Variants in ELAVL4 observed in about 807,000 individuals in gnomAD.
ELAVL4 encodes ELAV like RNA binding protein 4.
In ELAVL4, 1 loss-of-function variant was observed where a neutral mutation model predicts 35.6. The observed-to-expected ratio is 0.03, with a 90% CI of 0.01 to 0.13. The LOEUF (loss-of-function observed/expected upper bound fraction) is 0.13, where lower values mean the gene tolerates loss of function less well. ELAVL4 is among the 10% of genes least tolerant of loss of function. ELAVL4 has a pLI of 1.00. For synonymous variants in ELAVL4, 156 were observed against 171.0 expected, an observed-to-expected ratio of 0.91 and a Z score of 0.69; for missense variants, 267 against 464.9, an observed-to-expected ratio of 0.57 and a Z score of 3.91.
chr1:50,067,945 G>A (rs1302544316), intron 1 of ELAVL4, among the ~76,000 whole-genome samples: 1 of 152,150 alleles, frequency 6.6e-6, no homozygotes, highest in Non-Finnish European at 1.5e-5. Context: ...AAGAACAGCA[G>A]CATGGAGGTA....
At chr1:50,181,929 C>A (rs1320484187) in intron 3 of ELAVL4, among the ~76,000 whole-genome samples, 1 of 152,144 alleles carries the variant, frequency 6.6e-6, no homozygotes, top group Non-Finnish European at 1.5e-5. Flanking sequence ...GTGATCCACC[C>A]GCCTCAGCCT....
intron 2 of ELAVL4, among the ~76,000 whole-genome samples, chr1:50,169,161 G>A (rs1678538760): frequency 6.6e-6 from 1 of 151,972 alleles, no homozygotes; most frequent in South Asian, 2.1e-4. Context: ...AAAGATGCTG[G>A]ATCTCTGGGA....
rs371240781 is a variant in ELAVL4, at chr1:50,069,755, T to C, written c.18+21573T>C. Reference sequence around the variant, plus strand: ...ACTAAGTACTTTATACAAATTCTCTTATTAAGCCCTTATCATCACTCTCTG... The same window carrying C: ...ACTAAGTACTTTATACAAATTCTCTCATTAAGCCCTTATCATCACTCTCTG... On this transcript the variant is annotated intron_variant, in intron 1 of 6. Transcript: ENST00000448907. 3.0e-4 allele frequency among the ~76,000 whole-genome samples: 46 copies of C among 152,254 alleles called. 1 individual carries two copies. In the South Asian group the frequency reaches 8.7e-3, roughly 29 times the overall value.
intron 2 of ELAVL4, among the ~76,000 whole-genome samples, chr1:50,165,469 C>G (rs1177072376): frequency 1.3e-5 from 2 of 150,468 alleles, no homozygotes; most frequent in Admixed American, 6.7e-5. Flanking sequence ...CACACACACA[C>G]ACACTCACAT....
At chr1:50,152,083 G>C (rs1212531058) in intron 2 of ELAVL4, among the ~76,000 whole-genome samples, 1 of 152,110 alleles carries the variant, frequency 6.6e-6, no homozygotes, top group Non-Finnish European at 1.5e-5. Context: ...GTGAGGTTTA[G>C]GGTTTGTGCA....
rs1221011278 is a variant in ELAVL4, at chr1:50,078,128, GTGTGTGTGTGTGTGTA to G, written c.18+29948_18+29963del. On this transcript the variant is annotated intron_variant, in intron 1 of 6. Transcript: ENST00000448907. ...ACCTTGTGTGTGTGTGTGTGTGTGT[GTGTGTGTGTGTGTGTA>G]TATAGTATTTGTGTGTTTATATATC... 2.4e-4 allele frequency among the ~76,000 whole-genome samples: 37 copies of G among 151,882 alleles called. 1 individual carries two copies. The highest frequency in any genetic ancestry group is 7.7e-4 in the African/African-American group (32 of 41,330).
chr1:50,133,603 G>GAAAGAAAGAA (rs1671278859), intron 1 of ELAVL4, among the ~76,000 whole-genome samples: 1 of 86,170 alleles, frequency 1.2e-5, no homozygotes, highest in South Asian at 3.7e-4. Context: ...AGAAAGAAAA[G>GAAAGAAAGAA]AAAGAAAGAA....
intron 2 of ELAVL4, among the ~76,000 whole-genome samples, chr1:50,148,536 C>T (rs528165518): frequency 6.6e-6 from 1 of 152,296 alleles, no homozygotes; most frequent in East Asian, 1.9e-4. Flanking sequence ...TTCTCAGAGA[C>T]ATTACATTTT....
At chr1:50,177,622 GGAAGGT>G (rs1270815155) in intron 3 of ELAVL4, among the ~76,000 whole-genome samples, 1 of 152,176 alleles carries the variant, frequency 6.6e-6, no homozygotes, top group Non-Finnish European at 1.5e-5. Flanking sequence ...AGTTTGGATG[GGAAGGT>G]GAAAAGATGA....
chr1:50,090,322 T>G (rs538781007), intron 1 of ELAVL4, among the ~76,000 whole-genome samples: 4 of 152,318 alleles, frequency 2.6e-5, no homozygotes, highest in Admixed American at 2.6e-4. Flanking sequence ...ATTCTCACAC[T>G]ACTCTTTTTC....
intron 1 of ELAVL4, among the ~76,000 whole-genome samples, chr1:50,123,560 A>C (rs1669381163): frequency 6.6e-6 from 1 of 152,058 alleles, no homozygotes. Context: ...ATTTGCTATA[A>C]GCACACAATT....
chr1:50,173,177 T>C (rs1679347181), intron 2 of ELAVL4, among the ~76,000 whole-genome samples: 1 of 152,246 alleles, frequency 6.6e-6, no homozygotes, highest in Non-Finnish European at 1.5e-5. Flanking sequence ...CTAGTTATTA[T>C]GGGAAGATGT....
At chr1:50,178,418 A>C (rs937903326) in intron 3 of ELAVL4, among the ~76,000 whole-genome samples, 1 of 152,212 alleles carries the variant, frequency 6.6e-6, no homozygotes, top group African/African-American at 2.4e-5. Context: ...CAAAACAAAA[A>C]CAAAGCAAAA....
chr1:50,099,568 A>C (rs1403631591), upstream of ELAVL4, among the ~76,000 whole-genome samples: 2 of 151,710 alleles, frequency 1.3e-5, no homozygotes, highest in African/African-American at 4.8e-5. Flanking sequence ...CTCAAAAAAA[A>C]AAAAAAAAAA....
At chr1:50,072,900 A>G (rs1453731899) in intron 1 of ELAVL4, among the ~76,000 whole-genome samples, 1 of 152,206 alleles carries the variant, frequency 6.6e-6, no homozygotes, top group Non-Finnish European at 1.5e-5. Flanking sequence ...AATCAAAGTC[A>G]TCTAACACCA....
intron 2 of ELAVL4, among the ~76,000 whole-genome samples, chr1:50,148,639 G>A (rs1286378945): frequency 6.6e-6 from 1 of 152,166 alleles, no homozygotes; most frequent in Non-Finnish European, 1.5e-5. Flanking sequence ...GTACAGCCGT[G>A]ACACATCATG....
intron 3 of ELAVL4, among the ~76,000 whole-genome samples, chr1:50,189,394 CT>C (rs1490884892): frequency 6.6e-6 from 1 of 152,256 alleles, no homozygotes; most frequent in East Asian, 1.9e-4. Context: ...ACAACGCCTG[CT>C]TTACCCACCT....
chr1:50,067,709 T>C (rs1664327197), intron 1 of ELAVL4, among the ~76,000 whole-genome samples: 1 of 152,216 alleles, frequency 6.6e-6, no homozygotes, highest in South Asian at 2.1e-4. Flanking sequence ...TAGTCCATTC[T>C]CATGCTGCCA....
chr1:50,070,458 C>T (rs1364015196), intron 1 of ELAVL4, among the ~76,000 whole-genome samples: 1 of 151,084 alleles, frequency 6.6e-6, no homozygotes, highest in African/African-American at 2.4e-5. Context: ...AAAATGCCAC[C>T]GTGGCTGGGC....
Sources: allele counts gnomAD v4.1 joint callset (sites outside exome capture counted in the v4.1 genomes callset), GRCh38; gene constraint gnomAD v4.1.1; transcripts MANE v1.5; gene names NCBI Gene and HGNC (gene_info 2026-07-23, HGNC 2026-07-21).